CPVL: variants seen among roughly 807,000 people sequenced by gnomAD.
CPVL encodes carboxypeptidase vitellogenic like, also known as probable serine carboxypeptidase CPVL.
CPVL carries 51 observed loss-of-function variants against 63.7 expected under a neutral mutation model. That is an observed-to-expected ratio of 0.80 (90% CI 0.64 to 1.01). The LOEUF is 1.01. Ranked by LOEUF, CPVL falls within the 50% of genes least tolerant of loss-of-function variation. CPVL has a pLI of 0.00. For synonymous variants in CPVL, 195 were observed against 206.0 expected (o/e 0.95, Z 0.46); for missense variants, 530 against 573.1 (o/e 0.92, Z 0.77).
At chr7:28,996,674 A>G (rs1784107556) in intron 12 of CPVL, among the ~76,000 whole-genome samples, 1 of 152,178 alleles carries the variant, frequency 6.6e-6, no homozygotes, top group South Asian at 2.1e-4. Context: ...TTTAAAACAT[A>G]GCAAATTCGA....
chr7:29,063,485 T>C (rs1782825660), intron 11 of CPVL, among the ~76,000 whole-genome samples: 1 of 152,230 alleles, frequency 6.6e-6, no homozygotes, highest in Non-Finnish European at 1.5e-5. Context: ...AACTCTTCCT[T>C]TCTCAAGAAA....
intron 5 of CPVL, among the ~76,000 whole-genome samples, chr7:29,173,845 G>C (rs1403331448): frequency 6.6e-6 from 1 of 151,506 alleles, no homozygotes; most frequent in Non-Finnish European, 1.5e-5. Context: ...CATCTTACTT[G>C]GGGGGCTGAG....
At chr7:29,143,447 A>G (rs750401794) in intron 1 of CPVL, among the ~76,000 whole-genome samples, 29 of 152,204 alleles carry the variant, frequency 1.9e-4, no homozygotes, top group Non-Finnish European at 1.5e-5. Context: ...ACCTTTTCAT[A>G]ATCAAACACT....
Position 29,161,290 on chromosome 7 carries a change from C to T in CPVL, c.-11+20000G>A, listed in dbSNP as rs912867322. ...TCTTTTTCCAGTCCCCTTTGAACCC[C>T]GTTACCAAGTGAATCTTCCTAAAAC... On this transcript the variant is annotated intron_variant, in intron 5 of 16. Transcript: ENST00000409850. Among the ~76,000 whole-genome samples the T allele has an allele frequency of 7.9e-5, 12 of 152,278 alleles. No individual in the cohort carries two copies. The East Asian group carries it at 1.7e-3, about 22-fold the overall frequency.
intron 6 of CPVL, 116 bp downstream of exon 6, chr7:29,092,507 C>T: frequency 1.5e-6 from 1 of 665,720 alleles, no homozygotes; most frequent in Non-Finnish European, 2.6e-6. Flanking sequence ...AAATTATCTT[C>T]AGGAATTGGA....
At chr7:29,151,582 T>C (rs1454861557) in intron 5 of CPVL, among the ~76,000 whole-genome samples, 1 of 152,204 alleles carries the variant, frequency 6.6e-6, no homozygotes, top group Admixed American at 6.5e-5. Context: ...CCCAACACTT[T>C]TTATATATAT....
At chr7:29,152,687 C>T (rs1027925116) in intron 5 of CPVL, among the ~76,000 whole-genome samples, 3 of 152,208 alleles carry the variant, frequency 2.0e-5, no homozygotes, top group Non-Finnish European at 4.4e-5. Flanking sequence ...TGACCTGACA[C>T]AGAGCTGTTA....
chr7:29,057,613 C>T (rs534835845), intron 11 of CPVL, among the ~76,000 whole-genome samples: 3 of 152,246 alleles, frequency 2.0e-5, no homozygotes, highest in African/African-American at 7.2e-5. Context: ...TTAATGCCTA[C>T]AAGTGTTATA....
At chr7:29,043,050 G>C (rs965122499) in intron 11 of CPVL, among the ~76,000 whole-genome samples, 1 of 152,174 alleles carries the variant, frequency 6.6e-6, no homozygotes, top group African/African-American at 2.4e-5. Context: ...AGAGGACTGA[G>C]AGCGACAGTA....
intron 5 of CPVL, among the ~76,000 whole-genome samples, chr7:29,162,033 G>A (rs756145434): frequency 1.3e-5 from 2 of 152,160 alleles, no homozygotes; most frequent in Non-Finnish European, 2.9e-5. Flanking sequence ...CCAAACACTG[G>A]CATGGATGCA....
chr7:29,160,586 C>T (rs970512855), intron 5 of CPVL, among the ~76,000 whole-genome samples: 1 of 152,106 alleles, frequency 6.6e-6, no homozygotes, highest in African/African-American at 2.4e-5. Flanking sequence ...GATTTTTCTC[C>T]CTGTCAGAAG....
intron 11 of CPVL, among the ~76,000 whole-genome samples, chr7:29,037,680 C>T (rs937975179): frequency 2.6e-5 from 4 of 151,952 alleles, no homozygotes; most frequent in African/African-American, 9.7e-5. Flanking sequence ...GAAATGTTAC[C>T]TATGGATTAG....
At chr7:29,183,446 G>A (rs973574223) in intron 4 of CPVL, among the ~76,000 whole-genome samples, 47 of 151,124 alleles carry the variant, frequency 3.1e-4, no homozygotes, top group East Asian at 1.9e-4. Flanking sequence ...GCATGATCTC[G>A]GCTCACTGCA....
chr7:29,031,480 G>T (rs1163543437), intron 11 of CPVL, among the ~76,000 whole-genome samples: 2 of 152,074 alleles, frequency 1.3e-5, no homozygotes, highest in African/African-American at 4.8e-5. Flanking sequence ...TTTTCAATTT[G>T]CTTGAAAAAA....
At chr7:29,000,557 C>T (rs1024954786) in intron 12 of CPVL, among the ~76,000 whole-genome samples, 1 of 152,084 alleles carries the variant, frequency 6.6e-6, no homozygotes. Context: ...ATGCAGCAGT[C>T]TGTATGTCGT....
chr7:29,095,074 C>G lies in CPVL; in HGVS notation c.462+10G>C. The stretch of plus-strand genomic sequence containing the variant: ...AGCACTGACAGCTCACAGGGTCATC[C>G]CGGACTTACTGGATTGTCAATGTAA... On this transcript the variant is annotated intron_variant, in intron 5 of 12. Transcript: ENST00000265394. 6.2e-7 allele frequency: 1 copy of G among 1,611,482 alleles called. No homozygotes were observed. The highest frequency in any genetic ancestry group is 1.1e-5 in the South Asian group (1 of 91,040).
intron 1 of CPVL, among the ~76,000 whole-genome samples, chr7:29,128,623 G>A (rs539561419): frequency 1.3e-5 from 2 of 151,718 alleles, no homozygotes; most frequent in Non-Finnish European, 2.9e-5. Context: ...GGTTGAGGCA[G>A]GGGAATCGCT....
At chr7:29,063,607 G>A (rs1156549263) in intron 11 of CPVL, among the ~76,000 whole-genome samples, 2 of 152,172 alleles carry the variant, frequency 1.3e-5, no homozygotes, top group South Asian at 2.1e-4. Context: ...TTTTTGCTCT[G>A]TTGCCCAGGC....
intron 1 of CPVL, among the ~76,000 whole-genome samples, chr7:29,135,434 C>G (rs1791105514): frequency 6.6e-6 from 1 of 151,706 alleles, no homozygotes; most frequent in African/African-American, 2.4e-5. Context: ...CAGGTTAAAG[C>G]TATTCTCCTG....
Sources: gnomAD v4.1 joint callset for allele counts (sites outside exome capture counted in the v4.1 genomes callset) on GRCh38, gnomAD v4.1.1 for gene constraint, MANE v1.5 for transcripts, NCBI Gene and HGNC (gene_info 2026-07-23, HGNC 2026-07-21) for gene names.